CHPT1: variants seen among roughly 807,000 people sequenced by gnomAD.
CHPT1 encodes the protein cholinephosphotransferase 1.
CHPT1 carries 36 observed loss-of-function variants against 47.6 expected under a neutral mutation model. The observed-to-expected ratio is 0.76, with a 90% CI of 0.58 to 1.00. The LOEUF is 1.00. Among genes scored for constraint, CHPT1 ranks in the 50% least tolerant of loss-of-function variants. The pLI, the probability that CHPT1 is intolerant of heterozygous loss-of-function variation, is 0.00. For synonymous variants in CHPT1, 194 were observed against 186.3 expected, an observed-to-expected ratio of 1.04 and a Z score of -0.33; for missense variants, 458 against 498.1, an observed-to-expected ratio of 0.92 and a Z score of 0.77.
intron 4 of CHPT1, among the ~76,000 whole-genome samples, chr12:101,719,235 G>A (rs1395036650): frequency 6.6e-6 from 1 of 151,790 alleles, no homozygotes; most frequent in Non-Finnish European, 1.5e-5. Flanking sequence ...GTCAGGTGTG[G>A]TTGTCTTAAA....
rs1193144524 is a variant in CHPT1 at position 101,723,152 on chromosome 12, C to T, written c.781-16C>T. ...AGTGTTAAAATGTGATACTGATTTT[C>T]TGCTTTATCCCTTAGGGCACCAGTG... On this transcript the variant is annotated splice_polypyrimidine_tract_variant and intron_variant, in intron 5 of 8. Coordinates refer to ENST00000229266, the MANE Select transcript of CHPT1 (RefSeq NM_020244.3). 1 of 1,604,994 alleles carries T rather than the reference C, an allele frequency of 6.2e-7. No individual in the cohort carries two copies. The highest frequency in any genetic ancestry group is 2.2e-5 in the East Asian group (1 of 44,754).
At chr12:101,721,223 G>A (rs1437844813) in intron 5 of CHPT1, among the ~76,000 whole-genome samples, 4 of 152,040 alleles carry the variant, frequency 2.6e-5, no homozygotes, top group South Asian at 2.1e-4. Context: ...AGGAGGCGGC[G>A]GTTGCAGTAA....
At chr12:101,721,481 T>G (rs1412355579) in intron 5 of CHPT1, among the ~76,000 whole-genome samples, 1 of 152,196 alleles carries the variant, frequency 6.6e-6, no homozygotes, top group African/African-American at 2.4e-5. Context: ...AAGTAGACTT[T>G]CGAGACAATT....
intron 1 of CHPT1, among the ~76,000 whole-genome samples, chr12:101,702,993 G>T (rs1208383306): frequency 6.6e-6 from 1 of 152,138 alleles, no homozygotes; most frequent in Non-Finnish European, 1.5e-5. Context: ...TAATGTGGAG[G>T]TAGCTTCCCT....
intron 4 of CHPT1, among the ~76,000 whole-genome samples, chr12:101,719,156 G>GAAAAAAA (rs779382436): frequency 5.1e-4 from 48 of 94,820 alleles, no homozygotes; most frequent in African/African-American, 8.6e-4. Flanking sequence ...CTCGTCTCAA[G>GAAAAAAA]AAAAAAAAAA....
At chr12:101,726,266 T>C (rs372353144) in intron 7 of CHPT1, 28 bp from the exon 8 acceptor site, 3 of 1,440,118 alleles carry the variant, frequency 2.1e-6, no homozygotes, top group Non-Finnish European at 2.9e-6. Flanking sequence ...TCATAATCGA[T>C]TTTATATTTT....
At chr12:101,701,215 C>T (rs1951550035) in intron 1 of CHPT1, among the ~76,000 whole-genome samples, 1 of 152,142 alleles carries the variant, frequency 6.6e-6, no homozygotes, top group African/African-American at 2.4e-5. Flanking sequence ...ACAAGGATTT[C>T]TCTCCTTCTT....
At chr12:101,720,332 T>A in intron 5 of CHPT1, 78 bp downstream of exon 5, 1 of 1,257,214 alleles carries the variant, frequency 8.0e-7, no homozygotes, top group Non-Finnish European at 1.1e-6. Flanking sequence ...GATTAAAATA[T>A]GCCAAAGTTC....
intron 8 of CHPT1, chr12:101,726,795 G>GGTGCT: frequency 4.3e-6 from 1 of 231,376 alleles, no homozygotes; most frequent in Admixed American, 5.4e-5. Flanking sequence ...CCATCTTGAG[G>GGTGCT]GTGCTTACTT....
rs1193234282 is a variant in CHPT1 at position 101,714,273 on chromosome 12, C to T, written c.421+36C>T. 4.6e-6 allele frequency: 7 copies of T among 1,513,674 alleles called. No individual in the cohort carries two copies. In the East Asian group the frequency reaches 1.6e-4, roughly 35 times the overall value. The allele number at this position is 1,513,674 out of a possible 1,614,324, so 93.8% of individuals were successfully genotyped here. On this transcript the variant is annotated intron_variant, in intron 2 of 8. Coordinates refer to ENST00000229266, the MANE Select transcript of CHPT1 (RefSeq NM_020244.3). ...GGAGTTTTTTATTTTTTTATGATAC[C>T]TTAAAAATAAAATGAACTGAGCTGT...
Position 101,698,071 on chromosome 12 carries a change from GC to G in CHPT1, c.211del (p.Leu71SerfsTer57). On this transcript the variant is annotated frameshift_variant, in exon 1 of 9. Coordinates refer to ENST00000229266, the MANE Select transcript of CHPT1 (RefSeq NM_020244.3). LOFTEE classifies it high-confidence loss of function. ...CCCCCAACTCCATCACCCTGCTGGG[GC>G]TCGCCGTCAACGTGGTCACCACGCT... ...MAPNSITLLG[L>X]AVNVVTTLVL... The G allele has an allele frequency of 6.4e-7, 1 of 1,569,798 alleles. No individual in the cohort carries two copies. The highest frequency in any genetic ancestry group is 1.1e-5 in the South Asian group (1 of 87,002).
intron 8 of CHPT1, chr12:101,726,935 AT>A (rs1242323124): frequency 6.5e-6 from 1 of 152,732 alleles, no homozygotes; most frequent in African/African-American, 2.4e-5. Flanking sequence ...TTAGTATGTT[AT>A]AAAATACTTG....
intron 4 of CHPT1, among the ~76,000 whole-genome samples, chr12:101,718,833 G>T (rs567138401): frequency 6.6e-6 from 1 of 151,936 alleles, no homozygotes; most frequent in African/African-American, 2.4e-5. Flanking sequence ...TAGAATCAAG[G>T]ATATGCTACT....
Position 101,723,788 on chromosome 12 carries a change from T to C in CHPT1, c.1006T>C (p.Phe336Leu). The change falls in exon 7 of 9, where the codon TTT becomes CTT. Residue 336 changes from phenylalanine to leucine, a missense_variant. By Grantham distance (22) the Phe-to-Leu change is conservative. Transcript: ENST00000229266. ...TGTCTTTTTGGGGCCAGGTCTTTTG[T>C]TTTTAGACCAGTACTTTAATAACTT... is the stretch of plus-strand genomic sequence containing the variant. ...DTVFLGPGLL[F>L]LDQYFNNFID... 1 of 1,572,956 alleles carries C rather than the reference T, an allele frequency of 6.4e-7. No homozygotes were observed. Among genetic ancestry groups the C allele is most frequent in the Non-Finnish European group, 8.7e-7 (1 of 1,146,054 alleles).
In CHPT1 at chr12:101,726,392, A is replaced by T; in HGVS notation, c.1164A>T (p.Gln388His). ...HLNIFKTACH[Q>H]APEQVQVLSS... is the part of the protein sequence containing the mutation. ...ATATATTCAAGACTGCATGTCATCA[A>T]GCACCTGAACAGGTTCACAAGCATA... is the stretch of plus-strand genomic sequence containing the variant. The change falls in exon 8 of 9, where the codon CAA (glutamine) becomes CAT (histidine). Residue 388 changes from glutamine (Q) to histidine (H), a missense_variant. Coordinates refer to ENST00000229266, the MANE Select transcript of CHPT1 (RefSeq NM_020244.3). 1 of 1,613,044 alleles carries T rather than the reference A, an allele frequency of 6.2e-7. No homozygotes were observed. Among genetic ancestry groups the T allele is most frequent in the East Asian group, 2.2e-5 (1 of 44,866 alleles).
chr12:101,710,071 G>A (rs1277007375), intron 1 of CHPT1, among the ~76,000 whole-genome samples: 1 of 149,284 alleles, frequency 6.7e-6, no homozygotes, highest in African/African-American at 2.4e-5. Flanking sequence ...TCAGCTGGGT[G>A]TGGTGGCTCA....
At chr12:101,727,436 CTATT>C (rs1555263815) in intron 8 of CHPT1, 1 of 151,380 alleles carries the variant, frequency 6.6e-6, no homozygotes, top group African/African-American at 2.4e-5. Flanking sequence ...CCATCTGACC[CTATT>C]TATTTTTAAT....
chr12:101,714,924 A>G (rs868505654), intron 3 of CHPT1: 32 of 242,950 alleles, frequency 1.3e-4, no homozygotes, highest in Non-Finnish European at 1.9e-4. Flanking sequence ...AAATTAAGGG[A>G]CCTGAATAAT....
intron 7 of CHPT1, among the ~76,000 whole-genome samples, chr12:101,724,847 C>T (rs1354845581): frequency 6.6e-6 from 1 of 152,162 alleles, no homozygotes; most frequent in African/African-American, 2.4e-5. Flanking sequence ...ATATTGGTAA[C>T]ACTTCAATTA....
Sources: allele counts gnomAD v4.1 joint callset (sites outside exome capture counted in the v4.1 genomes callset), GRCh38; gene constraint gnomAD v4.1.1; transcripts MANE v1.5; gene names NCBI Gene and HGNC (gene_info 2026-07-23, HGNC 2026-07-21).